The following DOCK7 variants were observed in gnomAD, a reference collection of about 807,000 sequenced individuals.
DOCK7 encodes the protein dedicator of cytokinesis protein 7.
A neutral mutation model predicts 271.0 loss-of-function variants in DOCK7; 138 were observed. That is an observed-to-expected ratio of 0.51 (90% CI 0.44 to 0.59). The LOEUF is 0.59. DOCK7 is among the 20% of genes least tolerant of loss of function. The pLI is 0.00. For synonymous variants in DOCK7, 823 were observed against 876.1 expected, an observed-to-expected ratio of 0.94 and a Z score of 1.07; for missense variants, 2,066 against 2,592.4, an observed-to-expected ratio of 0.80 and a Z score of 4.41.
intron 1 of DOCK7, among the ~76,000 whole-genome samples, chr1:62,667,618 G>A (rs1345765254): frequency 6.6e-6 from 1 of 152,240 alleles, no homozygotes; most frequent in Non-Finnish European, 1.5e-5. Flanking sequence ...GGGAGGCTGA[G>A]GCAGGAGAAT....
chr1:62,629,335 A>G (rs1371469943), intron 11 of DOCK7: 1 of 152,248 alleles, frequency 6.6e-6, no homozygotes, highest in Non-Finnish European at 1.5e-5. Flanking sequence ...AACTAAAAGT[A>G]GAAAACCCAA....
chr1:62,540,091 C>T (rs1269047370), intron 25 of DOCK7, among the ~76,000 whole-genome samples, 199 bp from the exon 26 acceptor site: 3 of 151,734 alleles, frequency 2.0e-5, no homozygotes, highest in Non-Finnish European at 4.4e-5. Flanking sequence ...CACCATATTA[C>T]TTTCAGAAAA....
chr1:62,496,007 GGTA>G (rs1377851121), intron 38 of DOCK7: 1 of 350,080 alleles, frequency 2.9e-6, no homozygotes, highest in East Asian at 6.1e-5. Flanking sequence ...TTTACTAAAA[GGTA>G]GTTTGTAGAA....
rs149047752 is a variant in DOCK7 at position 62,668,553 on chromosome 1, A to G, written c.39-5423T>C. Among the ~76,000 whole-genome samples the G allele has an allele frequency of 5.6e-3, 850 of 152,290 alleles. 4 individuals are homozygous for G. Among genetic ancestry groups the G allele is most frequent in the Non-Finnish European group, 0.01 (705 of 68,024 alleles). ...GCAGCATATAGTAAAATGTCCTTGT[A>G]TTAATATTTTAGAGATGCAAATGAT... On this transcript the variant is annotated intron_variant, in intron 1 of 49. Coordinates refer to ENST00000635253, the MANE Select transcript of DOCK7 (RefSeq NM_001367561.1).
At chr1:62,566,340 A>C (rs1485342382) in intron 18 of DOCK7, among the ~76,000 whole-genome samples, 2 of 152,236 alleles carry the variant, frequency 1.3e-5, no homozygotes, top group Non-Finnish European at 2.9e-5. Flanking sequence ...TACTGGTACC[A>C]AAACAGATAT....
At chr1:62,502,450 T>C (rs1202144922) in intron 37 of DOCK7, among the ~76,000 whole-genome samples, 1 of 152,216 alleles carries the variant, frequency 6.6e-6, no homozygotes, top group Non-Finnish European at 1.5e-5. Context: ...ATGCTGCTCA[T>C]GTGATATCCA....
chr1:62,513,653 T>A (rs768745386), intron 32 of DOCK7, 47 bp from the exon 33 acceptor site: 2 of 1,602,036 alleles, frequency 1.2e-6, no homozygotes, highest in South Asian at 2.3e-5. Flanking sequence ...GAAATTTTCT[T>A]CTATTTTTTC....
chr1:62,573,357 T>C (rs547243445), intron 18 of DOCK7, among the ~76,000 whole-genome samples: 5 of 152,326 alleles, frequency 3.3e-5, no homozygotes, highest in African/African-American at 9.6e-5. Context: ...TTGTAGGTCA[T>C]GTGAAAAAAT....
intron 48 of DOCK7, among the ~76,000 whole-genome samples, chr1:62,472,682 C>A (rs1487747573): frequency 6.6e-6 from 1 of 152,168 alleles, no homozygotes; most frequent in Non-Finnish European, 1.5e-5. Context: ...TGTTTTCTTA[C>A]ACCTCCCAAA....
At chr1:62,548,537 C>T (rs1274279994) in intron 22 of DOCK7, among the ~76,000 whole-genome samples, 1 of 151,720 alleles carries the variant, frequency 6.6e-6, no homozygotes, top group African/African-American at 2.4e-5. Flanking sequence ...TCTCCTGCCT[C>T]AGCCTCCTGA....
intron 12 of DOCK7, among the ~76,000 whole-genome samples, chr1:62,621,808 T>C (rs1160846429): frequency 1.3e-5 from 2 of 152,226 alleles, no homozygotes; most frequent in Non-Finnish European, 2.9e-5. Context: ...ACAGAAATAA[T>C]ATAAATTTTT....
At chr1:62,636,642 C>A (rs1307028990) in intron 7 of DOCK7, 39 bp from the exon 8 acceptor site, 2 of 1,478,788 alleles carry the variant, frequency 1.4e-6, no homozygotes, top group African/African-American at 2.8e-5. Context: ...TAAAGATAAA[C>A]ATGAAATACA....
At chr1:62,599,843 TAG>T (rs769854846) in intron 14 of DOCK7, among the ~76,000 whole-genome samples, 2,132 of 152,084 alleles carry the variant, frequency 0.014, 29 homozygotes, top group Non-Finnish European at 0.024. Context: ...AGCACTTGTT[TAG>T]AAAAAAGCTA....
At position 62,457,641 on chromosome 1, in the gene DOCK7, C is replaced by T; in HGVS notation, c.6277G>A (p.Glu2093Lys). 2.5e-6 allele frequency: 4 copies of T among 1,614,112 alleles called. No homozygotes were observed. The highest frequency in any genetic ancestry group is 3.4e-6 in the Non-Finnish European group (4 of 1,180,018). ...IGPDQKEYQRELERNYHRLKE... is the reference protein window; with the variant it reads ...IGPDQKEYQRKLERNYHRLKE... ...AGGCGATGATAGTTTCTCTCCAGTT[C>T]CCTTTGATACTCCTTTTGATCCGGC... The change falls in exon 49 of 50, where the codon GAA becomes AAA. Residue 2093 changes from glutamate (E) to lysine (K), a missense_variant. Physicochemically the swap from Glu to Lys is moderately conservative, Grantham distance 56. This residue lies in a region of DOCK7 where 652 missense variants were observed against 922.1 expected (regional missense o/e 0.71). Coordinates refer to ENST00000635253, the MANE Select transcript of DOCK7 (RefSeq NM_001367561.1).
intron 1 of DOCK7, among the ~76,000 whole-genome samples, chr1:62,677,491 G>GA (rs1193270149): frequency 6.6e-6 from 1 of 152,056 alleles, no homozygotes; most frequent in Non-Finnish European, 1.5e-5. Context: ...TCAGTTACAG[G>GA]AGTCAACACT....
intron 26 of DOCK7, 45 bp from the exon 27 acceptor site, chr1:62,539,703 C>T: frequency 6.2e-7 from 1 of 1,611,132 alleles, no homozygotes; most frequent in Non-Finnish European, 8.5e-7. Context: ...AGTATGATAG[C>T]TTAATCTGAG....
rs765143942 is a variant in DOCK7 at position 62,559,137 on chromosome 1, G to A, written c.2283C>T (p.Ile761=). The change falls in exon 20 of 50, where the codon ATC becomes ATT. Residue 761 remains isoleucine, a synonymous_variant. Transcript: ENST00000635253. ...LFPVRIGDMR[I]MENNLENELK... Reference sequence around the variant, plus strand: ...ATTCATTTTCTAAGTTATTTTCCATGATTCGCATGTCCCCAATTCGGACTG... The same window carrying A: ...ATTCATTTTCTAAGTTATTTTCCATAATTCGCATGTCCCCAATTCGGACTG... The A allele has an allele frequency of 6.2e-7, 1 of 1,613,630 alleles. No homozygotes were observed. The highest frequency in any genetic ancestry group is 1.3e-5 in the African/African-American group (1 of 74,892).
At chr1:62,475,508 A>T in intron 46 of DOCK7, 157 bp from the exon 47 acceptor site, 1 of 1,129,546 alleles carries the variant, frequency 8.9e-7, no homozygotes, top group South Asian at 1.6e-5. Context: ...AAAAAAAAAA[A>T]ATCAACCTTT....
chr1:62,625,164 C>T (rs533917107), intron 12 of DOCK7, 95 bp downstream of exon 12: 2 of 1,108,106 alleles, frequency 1.8e-6, no homozygotes, highest in Non-Finnish European at 2.5e-6. Flanking sequence ...TGGAATCACC[C>T]TCCCATACAT....
Sources: allele counts gnomAD v4.1 joint callset (sites outside exome capture counted in the v4.1 genomes callset), GRCh38; gene constraint gnomAD v4.1.1; regional missense constraint gnomAD v4.1.1; transcripts MANE v1.5; gene names NCBI Gene and HGNC (gene_info 2026-07-23, HGNC 2026-07-21).